Variants in TMEM135 observed in about 807,000 individuals in gnomAD.
The protein encoded by TMEM135 is transmembrane protein 135, also known as peroxisomal membrane protein 52.
TMEM135 carries 30 observed loss-of-function variants against 60.3 expected under a neutral mutation model. The observed-to-expected ratio is 0.50, with a 90% CI of 0.37 to 0.68. The LOEUF (loss-of-function observed/expected upper bound fraction) is 0.68, where lower values mean the gene tolerates loss of function less well. Ranked by LOEUF, TMEM135 falls within the 30% of genes least tolerant of loss-of-function variation. The probability of loss-of-function intolerance (pLI) is 0.00; values close to 1 mark genes in which losing one functional copy is unlikely to be tolerated. For synonymous variants in TMEM135, 190 were observed against 186.7 expected, an observed-to-expected ratio of 1.02 and a Z score of -0.14; for missense variants, 468 against 548.8, an observed-to-expected ratio of 0.85 and a Z score of 1.47.
chr11:87,281,356 C>T (rs570878680), intron 6 of TMEM135, among the ~76,000 whole-genome samples: 2 of 152,162 alleles, frequency 1.3e-5, no homozygotes, highest in Admixed American at 1.3e-4. Flanking sequence ...GTACTATGCA[C>T]TGTACTAGGC....
chr11:87,175,460 T>A (rs1375457878), intron 5 of TMEM135, among the ~76,000 whole-genome samples: 2 of 152,238 alleles, frequency 1.3e-5, no homozygotes, highest in African/African-American at 4.8e-5. Context: ...TTTGTTGGCC[T>A]TGTCTGTACC....
Position 87,259,171 on chromosome 11 carries a change from C to T in TMEM135, c.509+22487C>T, listed in dbSNP as rs562016014. ...CAGGTCTCATCTAGCTTCTCCTCGT[C>T]GTCCTCCTCCAACTCCTCCTTAGTC... On this transcript the variant is annotated intron_variant, in intron 6 of 14. Coordinates refer to ENST00000305494, the MANE Select transcript of TMEM135 (RefSeq NM_022918.4). 56 of 586,096 alleles carry T rather than the reference C, an allele frequency of 9.6e-5. 2 individuals carry two copies. Among genetic ancestry groups the T allele is most frequent in the South Asian group, 7.7e-4 (44 of 57,060 alleles). 36.3% of individuals were successfully genotyped at this position (586,096 alleles called of 1,614,324 possible).
At chr11:87,309,376 T>C (rs1590862892) in intron 9 of TMEM135, 129 bp from the exon 10 acceptor site, 1 of 879,408 alleles carries the variant, frequency 1.1e-6, no homozygotes, top group East Asian at 2.5e-5. Context: ...TAAGGCTTTA[T>C]TTTGCTGTGC....
chr11:87,300,962 A>G (rs931669590), intron 7 of TMEM135, among the ~76,000 whole-genome samples: 1 of 150,062 alleles, frequency 6.7e-6, no homozygotes, highest in African/African-American at 2.4e-5. Flanking sequence ...AAACTGTTCT[A>G]TCTGTTCTGG....
rs1949719796 is a variant in TMEM135, at chr11:87,038,164, A to G, written c.119A>G (p.Lys40Arg). The G allele has an allele frequency of 3.1e-6, 5 of 1,613,980 alleles. No homozygotes were observed. Among genetic ancestry groups the G allele is most frequent in the Non-Finnish European group, 3.4e-6 (4 of 1,179,992 alleles). The change falls in exon 1 of 15, where the codon AAG (lysine) becomes AGG (arginine). Residue 40 changes from lysine (K) to arginine (R), a missense_variant. Physicochemically the swap from Lys to Arg is conservative, Grantham distance 26. Coordinates refer to ENST00000305494, the MANE Select transcript of TMEM135 (RefSeq NM_022918.4). ...GGGGGCGCCCTGGAGGAGTCCCTGA[A>G]GATCTATGCTCCTCTGTACTTGGTG... is the stretch of plus-strand genomic sequence containing the variant. ...ITGGALEESLKIYAPLYLIAA... is the reference protein window; with the variant it reads ...ITGGALEESLRIYAPLYLIAA...
chr11:87,205,755 A>G (rs766873160), intron 5 of TMEM135, among the ~76,000 whole-genome samples: 10 of 152,312 alleles, frequency 6.6e-5, no homozygotes, highest in African/African-American at 2.4e-4. Flanking sequence ...TGGGCTGAAT[A>G]TAATATTTTA....
intron 5 of TMEM135, among the ~76,000 whole-genome samples, chr11:87,236,403 T>C (rs1477458031): frequency 6.6e-6 from 1 of 152,020 alleles, no homozygotes; most frequent in Non-Finnish European, 1.5e-5. Flanking sequence ...AAAGAAAGTT[T>C]ACAAATTTTG....
At chr11:87,248,774 C>T (rs139924331) in intron 6 of TMEM135, among the ~76,000 whole-genome samples, 1 of 151,896 alleles carries the variant, frequency 6.6e-6, no homozygotes, top group Non-Finnish European at 1.5e-5. Flanking sequence ...TTTTTGGTGT[C>T]CTCTTTAATT....
chr11:87,138,150 G>C (rs1440224319), intron 4 of TMEM135, among the ~76,000 whole-genome samples: 2 of 150,160 alleles, frequency 1.3e-5, no homozygotes, highest in Non-Finnish European at 3.0e-5. Flanking sequence ...GAGTGCAGTG[G>C]TATGATCTCA....
At chr11:87,231,777 T>C (rs966711100) in intron 5 of TMEM135, among the ~76,000 whole-genome samples, 5 of 151,810 alleles carry the variant, frequency 3.3e-5, no homozygotes, top group Admixed American at 6.6e-5. Context: ...GTTAGAGATA[T>C]GGAAATAGGG....
intron 4 of TMEM135, among the ~76,000 whole-genome samples, chr11:87,108,939 C>T (rs1857670641): frequency 6.6e-6 from 1 of 151,850 alleles, no homozygotes; most frequent in Admixed American, 6.6e-5. Flanking sequence ...CTTTGACATA[C>T]TGAACAATAT....
At chr11:87,181,293 TAAAAGAC>T (rs146986851) in intron 5 of TMEM135, among the ~76,000 whole-genome samples, 2,036 of 151,978 alleles carry the variant, frequency 0.013, 30 homozygotes, top group African/African-American at 0.025. Context: ...ACAATAAAGA[TAAAAGAC>T]AATAAAATGA....
intron 4 of TMEM135, among the ~76,000 whole-genome samples, chr11:87,092,445 A>G (rs1342350198): frequency 6.6e-6 from 1 of 152,174 alleles, no homozygotes; most frequent in East Asian, 1.9e-4. Flanking sequence ...TCATGTAAGG[A>G]ATGATACCTA....
At chr11:87,281,683 C>T (rs768026057) in intron 6 of TMEM135, among the ~76,000 whole-genome samples, 9 of 152,156 alleles carry the variant, frequency 5.9e-5, no homozygotes, top group Non-Finnish European at 1.0e-4. Flanking sequence ...TTATACTTCC[C>T]TTCCCTATTG....
At chr11:87,059,854 G>A (rs746907847) in intron 1 of TMEM135, among the ~76,000 whole-genome samples, 3 of 152,178 alleles carry the variant, frequency 2.0e-5, no homozygotes, top group South Asian at 2.1e-4. Context: ...GGTGGCTCAC[G>A]CCTGTAATTC....
intron 6 of TMEM135, among the ~76,000 whole-genome samples, chr11:87,274,899 T>C (rs374999728): frequency 6.7e-6 from 1 of 150,246 alleles, no homozygotes; most frequent in Non-Finnish European, 1.5e-5. Context: ...ATAGATAAGA[T>C]GATTATTAAG....
chr11:87,160,741 T>C (rs1169988299), intron 5 of TMEM135, among the ~76,000 whole-genome samples: 1 of 152,206 alleles, frequency 6.6e-6, no homozygotes, highest in Non-Finnish European at 1.5e-5. Context: ...CAGAATAATA[T>C]ATGGCTTAAA....
At chr11:87,255,455 A>C (rs1941507310) in intron 6 of TMEM135, among the ~76,000 whole-genome samples, 1 of 152,182 alleles carries the variant, frequency 6.6e-6, no homozygotes, top group African/African-American at 2.4e-5. Context: ...ATCATAACTA[A>C]ATAAAGCCAC....
At chr11:87,249,197 T>C (rs1323024627) in intron 6 of TMEM135, among the ~76,000 whole-genome samples, 2 of 152,312 alleles carry the variant, frequency 1.3e-5, no homozygotes, top group Non-Finnish European at 2.9e-5. Context: ...TTTCAGTTTT[T>C]TCTCATTCAC....
Sources: allele counts gnomAD v4.1 joint callset (sites outside exome capture counted in the v4.1 genomes callset), GRCh38; gene constraint gnomAD v4.1.1; transcripts MANE v1.5; gene names NCBI Gene and HGNC (gene_info 2026-07-23, HGNC 2026-07-21).